Variants in CYRIB observed in about 807,000 individuals in gnomAD.
CYRIB encodes the protein CYFIP related Rac1 interactor B.
In CYRIB, 8 loss-of-function variants were observed where a neutral mutation model predicts 44.2. That is an observed-to-expected ratio of 0.18 (90% CI 0.11 to 0.33). CYRIB has a LOEUF of 0.33. Among genes scored for constraint, CYRIB ranks in the 10% least tolerant of loss-of-function variants. The pLI is 1.00. For missense variants in CYRIB, 185 were observed against 382.8 expected (o/e 0.48, Z 4.31); for synonymous variants, 131 against 127.2 (o/e 1.03, Z -0.20).
chr8:129,960,163 A>G (rs982469943), intron 2 of CYRIB, among the ~76,000 whole-genome samples: 3 of 152,260 alleles, frequency 2.0e-5, no homozygotes, highest in African/African-American at 7.2e-5. Flanking sequence ...AAGACTGCAC[A>G]CTTCCAATTA....
intron 1 of CYRIB, among the ~76,000 whole-genome samples, chr8:129,988,087 G>A (rs2096528949): frequency 6.6e-6 from 1 of 152,118 alleles, no homozygotes; most frequent in African/African-American, 2.4e-5. Flanking sequence ...GATGCAGGCG[G>A]GCTGAGGCCT....
At chr8:129,979,973 C>T (rs539954810) in intron 1 of CYRIB, among the ~76,000 whole-genome samples, 1 of 151,410 alleles carries the variant, frequency 6.6e-6, no homozygotes, top group African/African-American at 2.4e-5. Context: ...ACTCATAAAC[C>T]CTTAAACATG....
At chr8:130,005,514 G>C (rs951726521) in intron 1 of CYRIB, among the ~76,000 whole-genome samples, 5 of 152,064 alleles carry the variant, frequency 3.3e-5, no homozygotes, top group African/African-American at 1.2e-4. Flanking sequence ...CACCTCTCTG[G>C]GCTTCCATTG....
At chr8:130,006,023 C>A (rs2097052560) in intron 1 of CYRIB, among the ~76,000 whole-genome samples, 1 of 152,106 alleles carries the variant, frequency 6.6e-6, no homozygotes, top group South Asian at 2.1e-4. Flanking sequence ...TGACTCCAGG[C>A]TGGGCGCGGT....
At position 129,957,581 on chromosome 8, in the gene CYRIB, A is replaced by G. The variant is rs1379331261; in HGVS notation, c.-243+13362T>C. ...CACGATGGCTCACACCTGTAATCCC[A>G]GCACTTTGGGAGGTGGAGGTGGGCG... is the stretch of plus-strand genomic sequence containing the variant. On this transcript the variant is annotated intron_variant, in intron 2 of 14. Coordinates refer to the CYRIB transcript ENST00000401979. Among the ~76,000 whole-genome samples the G allele has an allele frequency of 2.0e-5, 3 of 152,196 alleles. No individual in the cohort carries two copies. The East Asian group carries it at 5.8e-4, about 29-fold the overall frequency.
chr8:129,937,021 T>C (rs2092937042), intron 1 of CYRIB, among the ~76,000 whole-genome samples: 1 of 152,180 alleles, frequency 6.6e-6, no homozygotes, highest in Non-Finnish European at 1.5e-5. Flanking sequence ...GTCTTAAAAA[T>C]ATACAAGATA....
intron 1 of CYRIB, chr8:130,008,470 A>G (rs1052355492): frequency 6.5e-6 from 1 of 154,206 alleles, no homozygotes; most frequent in Non-Finnish European, 1.5e-5. Flanking sequence ...AAACTCCTTC[A>G]TTCTCCAAGC....
intron 2 of CYRIB, among the ~76,000 whole-genome samples, chr8:129,955,877 A>G (rs1053338353): frequency 2.6e-5 from 4 of 152,220 alleles, no homozygotes; most frequent in African/African-American, 9.7e-5. Flanking sequence ...TCTAAGCACC[A>G]ATGCCTGAAT....
chr8:129,962,146 G>A (rs2095290471), intron 2 of CYRIB, among the ~76,000 whole-genome samples: 1 of 152,014 alleles, frequency 6.6e-6, no homozygotes, highest in Admixed American at 6.6e-5. Context: ...ACTCGGGGAG[G>A]CTGAGGTGGA....
chr8:129,983,337 C>CG (rs957014383), intron 1 of CYRIB, among the ~76,000 whole-genome samples: 17 of 152,032 alleles, frequency 1.1e-4, no homozygotes, highest in African/African-American at 3.9e-4. Context: ...CCCAGCTACT[C>CG]GGGAGGCTGA....
At chr8:129,959,537 G>T (rs1298618891) in intron 2 of CYRIB, among the ~76,000 whole-genome samples, 2 of 152,134 alleles carry the variant, frequency 1.3e-5, no homozygotes, top group Non-Finnish European at 2.9e-5. Flanking sequence ...CACTTTAGGA[G>T]GCTGAGGTGA....
chr8:129,922,955 C>T (rs1242190186), intron 1 of CYRIB, among the ~76,000 whole-genome samples: 18 of 150,982 alleles, frequency 1.2e-4, no homozygotes, highest in African/African-American at 4.1e-4. Context: ...TCCGGCCGGG[C>T]GCGGTGGCTC....
chr8:130,014,529 C>A (rs956905297), intron 1 of CYRIB, among the ~76,000 whole-genome samples: 1 of 152,108 alleles, frequency 6.6e-6, no homozygotes, highest in South Asian at 2.1e-4. Flanking sequence ...GTAGCACTTA[C>A]GGGGGTCGGG....
At chr8:129,863,506 T>C (rs529708558) in intron 4 of CYRIB, among the ~76,000 whole-genome samples, 6 of 150,218 alleles carry the variant, frequency 4.0e-5, no homozygotes, top group East Asian at 2.0e-4. Flanking sequence ...GCCTGGGTGA[T>C]AGAGCGAGAC....
intron 5 of CYRIB, among the ~76,000 whole-genome samples, chr8:129,857,779 TA>T (rs1285915809): frequency 6.6e-6 from 1 of 152,208 alleles, no homozygotes; most frequent in Middle Eastern, 3.2e-3. Context: ...CTGTTGGTGT[TA>T]ACTGGAAAAC....
chr8:129,965,656 C>A (rs1049626171), intron 2 of CYRIB, among the ~76,000 whole-genome samples: 1 of 151,580 alleles, frequency 6.6e-6, no homozygotes, highest in Non-Finnish European at 1.5e-5. Flanking sequence ...ATTAACCGGG[C>A]GTGGTGGTGG....
rs1293976947 is a variant in CYRIB at position 130,006,630 on chromosome 8, A to G, written c.-296+9740T>C. Among the ~76,000 whole-genome samples, 22 of 55,062 alleles carry G rather than the reference A, an allele frequency of 4.0e-4. 1 individual carries two copies. Among genetic ancestry groups the G allele is most frequent in the African/African-American group, 5.7e-4 (3 of 5,230 alleles). The allele number at this position is 55,062 out of a possible 152,430, so 36.1% of individuals were successfully genotyped here. A position where few individuals can be genotyped will look rare whatever the true frequency, so the allele number is the denominator to read the frequency against. ...TACATATATATGTGTATATATATAC[A>G]TATATATGTGTATATATATACATAT... On this transcript the variant is annotated intron_variant, in intron 1 of 14. Coordinates refer to the CYRIB transcript ENST00000401979.
chr8:130,001,769 T>G (rs1236745479), intron 1 of CYRIB, among the ~76,000 whole-genome samples: 1 of 152,102 alleles, frequency 6.6e-6, no homozygotes, highest in Non-Finnish European at 1.5e-5. Context: ...TGCAAGCCAC[T>G]GCACCCGGCC....
In CYRIB at chr8:129,988,277, C is replaced by G. The variant is rs139321597; in HGVS notation, c.-295-17282G>C. 3.5e-3 allele frequency among the ~76,000 whole-genome samples: 534 copies of G among 152,310 alleles called. 4 individuals carry two copies. Among genetic ancestry groups the G allele is most frequent in the African/African-American group, 0.012 (505 of 41,566 alleles). On this transcript the variant is annotated intron_variant, in intron 1 of 14. Transcript: ENST00000401979. ...CCGGCCGGCTCTCTTCCTGATTCCGCTATCTTGCTTCGGCACGCTGCTGAC... is the reference window on the plus strand; with the variant it reads ...CCGGCCGGCTCTCTTCCTGATTCCGGTATCTTGCTTCGGCACGCTGCTGAC...
Sources: allele counts gnomAD v4.1 joint callset (sites outside exome capture counted in the v4.1 genomes callset), GRCh38; gene constraint gnomAD v4.1.1; transcripts MANE v1.5; gene names NCBI Gene and HGNC (gene_info 2026-07-23, HGNC 2026-07-21).